PCDHA5: variants seen among roughly 807,000 people sequenced by gnomAD.
The protein encoded by PCDHA5 is protocadherin alpha 5, also known as protocadherin alpha-5.
Under a neutral mutation model 61.6 loss-of-function variants are expected in PCDHA5, and 43 were observed. The observed-to-expected ratio is 0.70, with a 90% CI of 0.55 to 0.90. The LOEUF is 0.90. Among genes scored for constraint, PCDHA5 ranks in the 40% least tolerant of loss-of-function variants. The pLI is 0.00. For synonymous variants in PCDHA5, 627 were observed against 543.9 expected (o/e 1.15, Z -2.13); for missense variants, 1,298 against 1,222.7 (o/e 1.06, Z -0.92).
chr5:140,901,175 T>C (rs2068484045), intron 1 of PCDHA5, among the ~76,000 whole-genome samples: 1 of 152,162 alleles, frequency 6.6e-6, no homozygotes, highest in African/African-American at 2.4e-5. Context: ...CTTCACTTTG[T>C]TGATTGTTTG....
At chr5:140,863,314 T>A in intron 1 of PCDHA5, 1 of 1,458,118 alleles carries the variant, frequency 6.9e-7, no homozygotes, top group Non-Finnish European at 9.3e-7. Context: ...CTGCGTGGTG[T>A]CCAGCCTGTT....
rs1446529645 is a variant in PCDHA5, at chr5:140,923,539, C to CA, written c.2353-55406dup. ...GTGAGATTCTGTCCCAAAAAAAGGA[C>CA]AAAATGAAATATCAGCAATGAAAGG... On this transcript the variant is annotated intron_variant, in intron 1 of 3. Coordinates refer to ENST00000529859, the MANE Select transcript of PCDHA5 (RefSeq NM_018908.3). 3.3e-5 allele frequency among the ~76,000 whole-genome samples: 5 copies of CA among 152,090 alleles called. No individual in the cohort carries two copies. The South Asian group carries it at 8.3e-4, about 25-fold the overall frequency.
In PCDHA5 at chr5:140,863,490, A is replaced by C. The variant is rs149382847; in HGVS notation, c.2352+39363A>C. ...TGGAGAGTCGCCTCCCAAGGTCAAC[A>C]TTACGGCTTTTAGTCCTAGTGTTCT... is the stretch of plus-strand genomic sequence containing the variant. On this transcript the variant is annotated intron_variant, in intron 1 of 3. Coordinates refer to ENST00000529859, the MANE Select transcript of PCDHA5 (RefSeq NM_018908.3). 1.5e-4 allele frequency: 69 copies of C among 449,374 alleles called. No homozygotes were observed. In the East Asian group the frequency reaches 3.4e-3, roughly 22 times the overall value. 27.8% of individuals were successfully genotyped at this position (449,374 alleles called of 1,614,324 possible). A position where few individuals can be genotyped will look rare whatever the true frequency, so the allele number is the denominator to read the frequency against.
chr5:140,946,561 T>C (rs1193170794), intron 1 of PCDHA5, among the ~76,000 whole-genome samples: 1 of 148,756 alleles, frequency 6.7e-6, no homozygotes, highest in Non-Finnish European at 1.5e-5. Context: ...AGTTCAGATA[T>C]AGAATCAACT....
In PCDHA5 at chr5:140,927,795, G is replaced by T; in HGVS notation, c.2353-51154G>T. ...TGCAAGTAGCTGCTTCACTAGGTCC[G>T]CCTGAAACGCTCTTGGAGGCATACA... On this transcript the variant is annotated intron_variant, in intron 1 of 3. Transcript: ENST00000529859. The T allele has an allele frequency of 1.9e-6, 3 of 1,614,144 alleles. 1 individual carries two copies. The highest frequency in any genetic ancestry group is 2.2e-5 in the South Asian group (2 of 91,080).
intron 1 of PCDHA5, among the ~76,000 whole-genome samples, chr5:140,911,608 T>C (rs1045101856): frequency 1.3e-5 from 2 of 152,180 alleles, no homozygotes; most frequent in Non-Finnish European, 2.9e-5. Context: ...TTCATTATGT[T>C]CCTTAGTTCC....
intron 1 of PCDHA5, among the ~76,000 whole-genome samples, chr5:140,955,465 T>C (rs2095187437): frequency 6.6e-6 from 1 of 152,128 alleles, no homozygotes; most frequent in Non-Finnish European, 1.5e-5. Flanking sequence ...TTTTCCTTTT[T>C]GCTTGGCACC....
rs781924329 is a variant in PCDHA5, at chr5:140,856,796, A to T, written c.2352+32669A>T. 42 of 1,595,540 alleles carry T rather than the reference A, an allele frequency of 2.6e-5. 2 individuals carry two copies. The highest frequency in any genetic ancestry group is 1.8e-4 in the South Asian group (16 of 90,506). ...TGACAGACCGGTTTATGAAGTTAAG[A>T]TGTATGAAAATCAAGTGAACCAAAC... On this transcript the variant is annotated intron_variant, in intron 1 of 3. Transcript: ENST00000529859.
rs2150201069 is a variant in PCDHA5, at chr5:140,832,336, T to C, written c.2352+8209T>C. ...GCTTAAGGGCCATTAGAGGACTGAG[T>C]TGTGGTTTGTGTTTCCTAATGTGAG... On this transcript the variant is annotated intron_variant, in intron 1 of 3. Coordinates refer to ENST00000529859, the MANE Select transcript of PCDHA5 (RefSeq NM_018908.3). Among the ~76,000 whole-genome samples, 820 of 152,216 alleles carry C rather than the reference T, an allele frequency of 5.4e-3. 7 individuals carry two copies. Among genetic ancestry groups the C allele is most frequent in the African/African-American group, 0.018 (760 of 41,540 alleles).
At chr5:140,991,481 A>G (rs1272675537) in intron 3 of PCDHA5, among the ~76,000 whole-genome samples, 3 of 152,226 alleles carry the variant, frequency 2.0e-5, no homozygotes, top group Non-Finnish European at 2.9e-5. Flanking sequence ...TCTGGAAGTC[A>G]GAAGTCCACA....
chr5:140,907,641 C>T (rs2073511625), intron 1 of PCDHA5, among the ~76,000 whole-genome samples: 1 of 152,212 alleles, frequency 6.6e-6, no homozygotes, highest in Non-Finnish European at 1.5e-5. Context: ...CTGCTGCTGG[C>T]AAATTGGGCA....
chr5:140,934,262 TAATC>T (rs1554209807), intron 1 of PCDHA5, among the ~76,000 whole-genome samples: 1 of 152,136 alleles, frequency 6.6e-6, no homozygotes, highest in Non-Finnish European at 1.5e-5. Flanking sequence ...AAATTAATAA[TAATC>T]AGTGCTTCAT....
At chr5:140,871,306 AAGCCCAC>A in intron 1 of PCDHA5, 1 of 1,613,964 alleles carries the variant, frequency 6.2e-7, no homozygotes, top group East Asian at 2.2e-5. Flanking sequence ...CGCGCCGGGG[AAGCCCAC>A]GCTGGTGTGC....
At chr5:141,003,663 A>G (rs1298864445) in intron 3 of PCDHA5, among the ~76,000 whole-genome samples, 4 of 152,204 alleles carry the variant, frequency 2.6e-5, no homozygotes, top group Non-Finnish European at 5.9e-5. Flanking sequence ...CATTTATTAA[A>G]ATATATGTTG....
rs538891766 is a variant in PCDHA5 at position 140,931,784 on chromosome 5, A to G, written c.2353-47165A>G. The stretch of plus-strand genomic sequence containing the variant: ...TTTACTTCTTCCTGTTCAATTACCT[A>G]TTGATCTGATCTTAATTCTTTAGAA... On this transcript the variant is annotated intron_variant, in intron 1 of 3. Transcript: ENST00000529859. Among the ~76,000 whole-genome samples, 13 of 152,080 alleles carry G rather than the reference A, an allele frequency of 8.5e-5. No homozygotes were observed. In the East Asian group the frequency reaches 1.9e-3, roughly 23 times the overall value.
Position 140,853,606 on chromosome 5 carries a change from G to T in PCDHA5, c.2352+29479G>T. 3.0e-6 allele frequency: 3 copies of T among 987,448 alleles called. 1 individual carries two copies. The highest frequency in any genetic ancestry group is 3.7e-6 in the Non-Finnish European group (3 of 819,684). The allele number at this position is 987,448 out of a possible 1,614,324, so 61.2% of individuals were successfully genotyped here. A position where few individuals can be genotyped will look rare whatever the true frequency, so the allele number is the denominator to read the frequency against. On this transcript the variant is annotated intron_variant, in intron 1 of 3. Coordinates refer to ENST00000529859, the MANE Select transcript of PCDHA5 (RefSeq NM_018908.3). ...CTTAGACACTTTGAGAGCAAAGGGG[G>T]TGCTGTAAATAAGTATACAAGATCA...
intron 1 of PCDHA5, among the ~76,000 whole-genome samples, chr5:140,838,140 G>A (rs1775567659): frequency 6.9e-6 from 1 of 145,908 alleles, no homozygotes; most frequent in Admixed American, 6.9e-5. Context: ...GTTTGACAGA[G>A]TTTTACTCTG....
At chr5:140,848,296 G>A (rs181978789) in intron 1 of PCDHA5, 6 of 652,806 alleles carry the variant, frequency 9.2e-6, no homozygotes, top group Non-Finnish European at 1.3e-5. Flanking sequence ...TTTGGGCCAC[G>A]TGATGTCACT....
intron 1 of PCDHA5, among the ~76,000 whole-genome samples, chr5:140,891,452 T>C (rs1554184844): frequency 6.7e-6 from 1 of 150,254 alleles, no homozygotes; most frequent in African/African-American, 2.4e-5. Flanking sequence ...ATAGGATTTT[T>C]GAATTTGTGA....
Sources: allele counts gnomAD v4.1 joint callset (sites outside exome capture counted in the v4.1 genomes callset), GRCh38; gene constraint gnomAD v4.1.1; transcripts MANE v1.5; gene names NCBI Gene and HGNC (gene_info 2026-07-23, HGNC 2026-07-21).